CC2D2B: variants seen among roughly 807,000 people sequenced by gnomAD.
CC2D2B encodes protein CC2D2B.
A neutral mutation model predicts 161.2 loss-of-function variants in CC2D2B; 128 were observed. The ratio of observed to expected loss-of-function variants is 0.79; its 90% CI spans 0.69 to 0.92. CC2D2B has a LOEUF of 0.92. Ranked by LOEUF, CC2D2B falls within the 40% of genes least tolerant of loss-of-function variation. CC2D2B has a pLI of 0.00. For synonymous variants in CC2D2B, 391 were observed against 449.8 expected (o/e 0.87, Z 1.65); for missense variants, 1,173 against 1,375.1 (o/e 0.85, Z 2.32).
chr10:96,030,151 G>C (rs1053523529), intron 34 of CC2D2B, among the ~76,000 whole-genome samples: 1 of 151,914 alleles, frequency 6.6e-6, no homozygotes, highest in African/African-American at 2.4e-5. Flanking sequence ...TCAATTTGTG[G>C]TTGGTTGAAT....
intron 30 of CC2D2B, among the ~76,000 whole-genome samples, chr10:96,017,560 C>G (rs1215017222): frequency 6.6e-6 from 1 of 152,098 alleles, no homozygotes; most frequent in African/African-American, 2.4e-5. Context: ...AGAGCAAGGG[C>G]TGTGAAGTCG....
intron 2 of CC2D2B, chr10:95,919,255 A>G (rs1435743570): frequency 6.6e-6 from 1 of 152,186 alleles, no homozygotes; most frequent in Non-Finnish European, 1.5e-5. Context: ...TTTGTACCCA[A>G]CTTTCTAGAG....
chr10:96,028,626 A>G (rs2079888648), intron 34 of CC2D2B, among the ~76,000 whole-genome samples: 1 of 152,202 alleles, frequency 6.6e-6, no homozygotes, highest in Non-Finnish European at 1.5e-5. Flanking sequence ...ACTGCTGGGT[A>G]TATACCCAAA....
intron 17 of CC2D2B, among the ~76,000 whole-genome samples, chr10:95,978,478 T>C (rs930184175): frequency 2.6e-5 from 4 of 152,304 alleles, no homozygotes; most frequent in Non-Finnish European, 5.9e-5. Context: ...TGCCTCAGCC[T>C]CCCGAGTAGC....
intron 9 of CC2D2B, among the ~76,000 whole-genome samples, chr10:95,947,105 ATATATATATT>A (rs1394864796): frequency 1.6e-4 from 6 of 37,056 alleles, no homozygotes; most frequent in South Asian, 2.0e-3. Flanking sequence ...ATATATATAT[ATATATATATT>A]TTTTTTTTTT....
intron 26 of CC2D2B, among the ~76,000 whole-genome samples, chr10:96,011,393 T>C (rs1281681770): frequency 1.3e-5 from 2 of 152,152 alleles, no homozygotes; most frequent in Non-Finnish European, 2.9e-5. Context: ...CTCATTACTT[T>C]TGTGATCTTG....
intron 9 of CC2D2B, among the ~76,000 whole-genome samples, chr10:95,948,084 CA>C (rs1156611356): frequency 2.6e-5 from 4 of 152,134 alleles, no homozygotes; most frequent in African/African-American, 9.7e-5. Context: ...TCCACTCCAC[CA>C]GCACACAATA....
chr10:95,917,865 C>T (rs1030081894), intron 2 of CC2D2B, among the ~76,000 whole-genome samples: 7 of 152,142 alleles, frequency 4.6e-5, no homozygotes, highest in Non-Finnish European at 1.0e-4. Flanking sequence ...GCAGCCTCCA[C>T]CTCTGGATTC....
intron 26 of CC2D2B, among the ~76,000 whole-genome samples, chr10:96,011,698 C>G (rs2141855700): frequency 6.6e-6 from 1 of 151,986 alleles, no homozygotes; most frequent in Non-Finnish European, 1.5e-5. Flanking sequence ...AGGTGTGCAC[C>G]ACCACTCCCA....
chr10:96,005,410 C>A (rs1359208446), intron 25 of CC2D2B, among the ~76,000 whole-genome samples: 1 of 151,998 alleles, frequency 6.6e-6, no homozygotes, highest in Non-Finnish European at 1.5e-5. Flanking sequence ...GCATTCTTGT[C>A]CTCCTCTCAT....
intron 17 of CC2D2B, among the ~76,000 whole-genome samples, chr10:95,974,505 A>C (rs1172803249): frequency 6.6e-6 from 1 of 152,152 alleles, no homozygotes; most frequent in Admixed American, 6.6e-5. Flanking sequence ...CATTATCATC[A>C]TTCTGGGAGT....
chr10:96,002,236 C>G (rs1048288924), intron 24 of CC2D2B, among the ~76,000 whole-genome samples: 6 of 152,158 alleles, frequency 3.9e-5, no homozygotes, highest in Non-Finnish European at 8.8e-5. Context: ...CCAAGTGGAT[C>G]AGAGGCTTTG....
At chr10:96,000,173 C>T in intron 24 of CC2D2B, 1 of 1,438,868 alleles carries the variant, frequency 6.9e-7, no homozygotes, top group Non-Finnish European at 9.1e-7. Flanking sequence ...GCCAAAGGAA[C>T]AACTCCATGT....
Position 96,032,215 on chromosome 10 carries a change from AGACCTCTCCAG to A in CC2D2B, c.*210_*220del. ...GGAGTCTAGATGAGCTTCTCACCAG[AGACCTCTCCAG>A]GAAGGACCTTTGGATAGTCTGGCTT... On this transcript the variant is annotated 3_prime_UTR_variant, in exon 35 of 35. Transcript: ENST00000646931. 1 of 512,958 alleles carries A rather than the reference AGACCTCTCCAG, an allele frequency of 1.9e-6. No homozygotes were observed. The highest frequency in any genetic ancestry group is 3.5e-6 in the Non-Finnish European group (1 of 287,714). 31.8% of individuals were successfully genotyped at this position (512,958 alleles called of 1,614,324 possible).
At chr10:95,909,872 C>T (rs929256775) in intron 1 of CC2D2B, among the ~76,000 whole-genome samples, 1 of 152,202 alleles carries the variant, frequency 6.6e-6, no homozygotes, top group African/African-American at 2.4e-5. Context: ...TTAGGCAAAG[C>T]GCAGTGGCTC....
chr10:95,917,361 A>T (rs904397901), intron 2 of CC2D2B, among the ~76,000 whole-genome samples: 1 of 152,014 alleles, frequency 6.6e-6, no homozygotes, highest in Non-Finnish European at 1.5e-5. Flanking sequence ...TAGTCCATTT[A>T]TATTCAATGT....
At position 96,033,591 on chromosome 10, in the gene CC2D2B, A is replaced by G. The variant is rs1263477446; in HGVS notation, c.*1583A>G. ...TTTCTGTACAGCTTTGAATATTTAC[A>G]TAGCTATTTTATTTGTTGTTCAGGG... is the stretch of plus-strand genomic sequence containing the variant. On this transcript the variant is annotated 3_prime_UTR_variant, in exon 35 of 35. Transcript: ENST00000646931. Among the ~76,000 whole-genome samples the G allele has an allele frequency of 6.6e-6, 1 of 152,190 alleles. No individual in the cohort carries two copies. The highest frequency in any genetic ancestry group is 2.4e-5 in the African/African-American group (1 of 41,462).
At position 95,983,607 on chromosome 10, in the gene CC2D2B, A is replaced by G; in HGVS notation, c.2084A>G (p.Tyr695Cys). 1 of 1,225,214 alleles carries G rather than the reference A, an allele frequency of 8.2e-7. No individual in the cohort carries two copies. Among genetic ancestry groups the G allele is most frequent in the Non-Finnish European group, 1.0e-6 (1 of 981,692 alleles). The allele number at this position is 1,225,214 out of a possible 1,614,324, so 75.9% of individuals were successfully genotyped here. ...AACTAAAGACTTTGCGTTTTACAGT[A>G]CATGAGACTTAAGGGGCAGGATATT... ...EYSDLMESVT[Y>C]MRLKGQDIPK... Residue 695 changes from tyrosine (Y) to cysteine (C), a missense_variant and splice_region_variant, in exon 19 of 35, where the codon TAC (tyrosine) becomes TGC (cysteine). Tyr to Cys is a radical substitution (Grantham distance 194). Around this residue, in one of 3 missense-constraint regions of CC2D2B, gnomAD observed 277 missense variants for 420.6 expected, o/e 0.66. Coordinates refer to ENST00000646931, the MANE Select transcript of CC2D2B (RefSeq NM_001349008.3).
chr10:95,976,348 C>A (rs1039080587), intron 17 of CC2D2B, among the ~76,000 whole-genome samples: 1 of 152,156 alleles, frequency 6.6e-6, no homozygotes, highest in Non-Finnish European at 1.5e-5. Flanking sequence ...GGCTTGTCTC[C>A]GTTGTCTTAC....
Sources: allele counts gnomAD v4.1 joint callset (sites outside exome capture counted in the v4.1 genomes callset), GRCh38; gene constraint gnomAD v4.1.1; regional missense constraint gnomAD v4.1.1; transcripts MANE v1.5; gene names NCBI Gene and HGNC (gene_info 2026-07-23, HGNC 2026-07-21).